Variants in UBR4 observed in about 807,000 individuals in gnomAD.
UBR4 encodes the protein E3 ubiquitin-protein ligase UBR4.
A neutral mutation model predicts 575.6 loss-of-function variants in UBR4; 124 were observed. The observed-to-expected ratio is 0.22, with a 90% confidence interval of 0.19 to 0.25. The LOEUF (loss-of-function observed/expected upper bound fraction) is 0.25, where lower values mean the gene tolerates loss of function less well. Ranked by LOEUF, UBR4 falls within the 10% of genes least tolerant of loss-of-function variation. The pLI is 1.00. For synonymous variants in UBR4, 2,455 were observed against 2,473.7 expected (o/e 0.99, Z 0.22); for missense variants, 4,818 against 6,478.8 (o/e 0.74, Z 8.80).
intron 99 of UBR4, 28 bp from the exon 100 acceptor site, chr1:19,086,849 G>T: frequency 6.2e-7 from 1 of 1,611,524 alleles, no homozygotes. Flanking sequence ...TAAGGAGAGG[G>T]GAGGAGAAAC....
intron 17 of UBR4, among the ~76,000 whole-genome samples, chr1:19,182,429 T>A (rs1241415127): frequency 6.6e-6 from 1 of 152,104 alleles, no homozygotes; most frequent in Non-Finnish European, 1.5e-5. Context: ...CATAGCATAC[T>A]ACAGCCTCAA....
rs2079730399 is a variant in UBR4 at position 19,110,543 on chromosome 1, G to A, written c.11893-79C>T. ...ACTCTTAACTATTAATACAATTTCTGGTCCTAGGTGGCTCCAACAGAGACA... is the reference window on the plus strand; with the variant it reads ...ACTCTTAACTATTAATACAATTTCTAGTCCTAGGTGGCTCCAACAGAGACA... On this transcript the variant is annotated intron_variant, in intron 79 of 105. Transcript: ENST00000375254. The surrounding 1 kb of genome is among the most constrained non-coding windows in gnomAD (Gnocchi z 4.5). 1.0e-5 allele frequency: 15 copies of A among 1,479,732 alleles called. No homozygotes were observed. Among genetic ancestry groups the A allele is most frequent in the Admixed American group, 1.8e-5 (1 of 56,178 alleles). The allele number at this position is 1,479,732 out of a possible 1,614,324, so 91.7% of individuals were successfully genotyped here.
intron 26 of UBR4, 22 bp from the exon 27 acceptor site, chr1:19,169,554 A>G: frequency 6.2e-7 from 1 of 1,602,682 alleles, no homozygotes. Context: ...AGAAAGGACA[A>G]GGAATCATCA....
intron 87 of UBR4, among the ~76,000 whole-genome samples, 155 bp from the exon 88 acceptor site, chr1:19,101,796 T>C (rs2078661837): frequency 6.6e-6 from 1 of 152,232 alleles, no homozygotes; most frequent in East Asian, 1.9e-4. Flanking sequence ...AATTGGAAAT[T>C]TGATGCTGAT....
rs1403561093 is a variant in UBR4, at chr1:19,141,690, C to T, written c.8267G>A (p.Ser2756Asn). Residue 2756 changes from serine (S) to asparagine (N), a missense_variant, in exon 56 of 106, where the codon AGC becomes AAC. Physicochemically the swap from Ser to Asn is conservative, Grantham distance 46 (BLOSUM62 1). This residue lies in a region of UBR4 where 129 missense variants were observed against 198.4 expected (regional missense o/e 0.65). Coordinates refer to ENST00000375254, the MANE Select transcript of UBR4 (RefSeq NM_020765.3). ...ATGGTCCACCTCACTCTGTTCCTGG[C>T]TTTCCTGACGGATGTGACCACCATT... ...IPNGGHIRQESQEQSEVDHGD... is the reference protein window; with the variant it reads ...IPNGGHIRQENQEQSEVDHGD... The T allele has an allele frequency of 5.6e-6, 9 of 1,614,240 alleles. No homozygotes were observed. Among genetic ancestry groups the T allele is most frequent in the Non-Finnish European group, 7.6e-6 (9 of 1,180,030 alleles).
rs2092702640 is a variant in UBR4, at chr1:19,200,614, C to T, written c.275-860G>A. 2.0e-5 allele frequency among the ~76,000 whole-genome samples: 3 copies of T among 151,714 alleles called. 1 individual carries two copies. The highest frequency in any genetic ancestry group is 4.2e-4 in the South Asian group (2 of 4,808). On this transcript the variant is annotated intron_variant, in intron 2 of 105. Coordinates refer to ENST00000375254, the MANE Select transcript of UBR4 (RefSeq NM_020765.3). Reference sequence around the variant, plus strand: ...AAAAATACAAAAATTAGTCTCATAACCCGATCTCAAAATAAATAAATAAAT... The same window carrying T: ...AAAAATACAAAAATTAGTCTCATAATCCGATCTCAAAATAAATAAATAAAT...
intron 51 of UBR4, among the ~76,000 whole-genome samples, chr1:19,147,292 T>C (rs535925441): frequency 1.3e-5 from 2 of 152,356 alleles, no homozygotes; most frequent in African/African-American, 2.4e-5. Context: ...TCTCTTACAA[T>C]AGAAGAGTCA....
intron 60 of UBR4, 70 bp from the exon 61 acceptor site, chr1:19,129,144 T>C (rs2149654410): frequency 7.7e-7 from 1 of 1,304,298 alleles, no homozygotes; most frequent in South Asian, 1.2e-5. Context: ...TACAGTTCCC[T>C]CCCCAACCCC....
At position 19,115,727 on chromosome 1, in the gene UBR4, T is replaced by C. The variant is rs1045958707; in HGVS notation, c.10824-90A>G. 5 of 1,531,474 alleles carry C rather than the reference T, an allele frequency of 3.3e-6. No individual in the cohort carries two copies. The African/African-American group carries it at 5.5e-5, about 17-fold the overall frequency. The allele number at this position is 1,531,474 out of a possible 1,614,324, so 94.9% of individuals were successfully genotyped here. On this transcript the variant is annotated intron_variant, in intron 73 of 105. Transcript: ENST00000375254. ...CAAAGAGGAAGACTGTCCCATGTAT[T>C]TTTCTAAGGCAATTAAGTGGTTACT...
At chr1:19,111,089 T>C (rs1245566484) in intron 78 of UBR4, among the ~76,000 whole-genome samples, 2 of 152,200 alleles carry the variant, frequency 1.3e-5, no homozygotes, top group African/African-American at 2.4e-5. Context: ...ATGGGGCCCA[T>C]GTCCCAGGCG....
At chr1:19,121,626 C>T (rs559006094) in intron 67 of UBR4, among the ~76,000 whole-genome samples, 192 bp from the exon 68 acceptor site, 3 of 152,128 alleles carry the variant, frequency 2.0e-5, no homozygotes, top group South Asian at 2.1e-4. Flanking sequence ...AACTACACAC[C>T]GACCAGAGCC....
At chr1:19,176,468 G>A (rs1460056589) in intron 20 of UBR4, 124 bp downstream of exon 20, 1 of 1,128,250 alleles carries the variant, frequency 8.9e-7, no homozygotes, top group East Asian at 2.4e-5. Context: ...TAGGTGATTT[G>A]CCACCCATAG....
rs753592167 is a variant in UBR4 at position 19,201,781 on chromosome 1, C to T, written c.211G>A (p.Glu71Lys). 1.2e-6 allele frequency: 2 copies of T among 1,613,948 alleles called. No homozygotes were observed. The highest frequency in any genetic ancestry group is 1.7e-6 in the Non-Finnish European group (2 of 1,179,984). ...GCAACAAAAGATGAGTAGAATGGCT[C>T]GTACTGCTTCTCATGGTGCAGGATT... ...SEILHHEKQY[E>K]PFYSSFVALS... The change falls in exon 2 of 106, where the codon GAG (glutamate) becomes AAG (lysine). Residue 71 changes from glutamate (E) to lysine (K), a missense_variant. By Grantham distance (56) the Glu-to-Lys change is moderately conservative. Around this residue, in one of 29 missense-constraint regions of UBR4, gnomAD observed 85 missense variants for 134.2 expected, o/e 0.63. Transcript: ENST00000375254.
chr1:19,086,613 T>C (rs1309403759), intron 100 of UBR4, 66 bp downstream of exon 100: 11 of 1,588,682 alleles, frequency 6.9e-6, no homozygotes, highest in Non-Finnish European at 9.4e-6. Context: ...AGGATGGCAG[T>C]CCCACCCGCT....
chr1:19,191,508 G>A lies in UBR4; in HGVS notation c.1394+680C>T, dbSNP rs1017509389. Among the ~76,000 whole-genome samples, 3 of 151,914 alleles carry A rather than the reference G, an allele frequency of 2.0e-5. No homozygotes were observed. The East Asian group carries it at 5.8e-4, about 29-fold the overall frequency. ...ATAATAAAAGCCCCTATGACTCTCC[G>A]GCCCCTCGCTCTGACATCTTTTTCT... is the stretch of plus-strand genomic sequence containing the variant. On this transcript the variant is annotated intron_variant, in intron 11 of 105. Coordinates refer to ENST00000375254, the MANE Select transcript of UBR4 (RefSeq NM_020765.3).
chr1:19,100,703 CA>C lies in UBR4; in HGVS notation c.13024-131del. 2 of 855,338 alleles carry C rather than the reference CA, an allele frequency of 2.3e-6. No homozygotes were observed. Among genetic ancestry groups the C allele is most frequent in the South Asian group, 3.4e-5 (2 of 58,694 alleles). The allele number at this position is 855,338 out of a possible 1,614,324, so 53.0% of individuals were successfully genotyped here. A position where few individuals can be genotyped will look rare whatever the true frequency, so the allele number is the denominator to read the frequency against. ...CAAGCCCCCCAAACATTTAAAGATA[CA>C]AAGGACAGGAAACTCAGAGGTACTT... On this transcript the variant is annotated intron_variant, in intron 88 of 105. Transcript: ENST00000375254. This position sits in a 1 kb window ranked among gnomAD's most constrained non-coding sequence, Gnocchi z 4.2.
intron 53 of UBR4, among the ~76,000 whole-genome samples, chr1:19,145,466 C>T (rs571387202): frequency 1.4e-5 from 2 of 145,676 alleles, no homozygotes; most frequent in East Asian, 2.3e-4. Flanking sequence ...TGGCTTTAAG[C>T]CAAGTTGTCA....
At position 19,169,300 on chromosome 1, in the gene UBR4, C is replaced by G. The variant is rs529486501; in HGVS notation, c.3741+135G>C. ...TGATTAAATGCATTGATTAATGATT[C>G]AGCCATAGCCAATATTACTGCAGTA... On this transcript the variant is annotated intron_variant, in intron 27 of 105. Coordinates refer to ENST00000375254, the MANE Select transcript of UBR4 (RefSeq NM_020765.3). The G allele has an allele frequency of 8.7e-5, 54 of 617,616 alleles. 1 individual carries two copies. The highest frequency in any genetic ancestry group is 3.0e-4 in the Admixed American group (8 of 26,314). The allele number at this position is 617,616 out of a possible 1,614,324, so 38.3% of individuals were successfully genotyped here.
At chr1:19,185,418 C>A (rs912958610) in intron 14 of UBR4, 132 bp from the exon 15 acceptor site, 55 of 866,958 alleles carry the variant, frequency 6.3e-5, no homozygotes, top group Non-Finnish European at 8.8e-5. Flanking sequence ...TACAAGATTG[C>A]ATTTGTGTAT....
Sources: gnomAD v4.1 joint callset for allele counts (sites outside exome capture counted in the v4.1 genomes callset) on GRCh38, gnomAD v4.1.1 for gene constraint, gnomAD v4.1.1 regional missense constraint, Gnocchi (gnomAD v3.1) non-coding constraint, MANE v1.5 for transcripts, NCBI Gene and HGNC (gene_info 2026-07-23, HGNC 2026-07-21) for gene names.